DSP: variants seen among roughly 807,000 people sequenced by gnomAD.
The protein encoded by DSP is desmoplakin, also known as 250/210 kDa paraneoplastic pemphigus antigen.
A neutral mutation model predicts 290.6 loss-of-function variants in DSP; 114 were observed. That is an observed-to-expected ratio of 0.39 (90% CI 0.34 to 0.46). DSP has a LOEUF of 0.46. Ranked by LOEUF, DSP falls within the 20% of genes least tolerant of loss-of-function variation. The pLI is 0.99. For missense variants in DSP, 3,230 were observed against 3,495.8 expected (o/e 0.92, Z 1.92); for synonymous variants, 1,311 against 1,316.4 (o/e 1.00, Z 0.09).
At chr6:7,543,393 C>CTTTTTTTTTTTTTTT in intron 1 of DSP, among the ~76,000 whole-genome samples, 1 of 80,042 alleles carries the variant, frequency 1.2e-5, no homozygotes, top group Non-Finnish European at 2.4e-5. Context: ...TCTATTTTCG[C>CTTTTTTTTTTTTTTT]TTTTTTTTTT....
At chr6:7,571,765 T>G in intron 14 of DSP, 77 bp from the exon 15 acceptor site, 1 of 1,525,038 alleles carries the variant, frequency 6.6e-7, no homozygotes, top group South Asian at 1.1e-5. Flanking sequence ...TTTTAGGTAG[T>G]ATGGATGTTT....
chr6:7,575,472 A>G lies in DSP; in HGVS notation c.2614A>G (p.Lys872Glu). 1 of 1,614,220 alleles carries G rather than the reference A, an allele frequency of 6.2e-7. No homozygotes were observed. Among genetic ancestry groups the G allele is most frequent in the Non-Finnish European group, 8.5e-7 (1 of 1,180,038 alleles). The change falls in exon 18 of 24, where the codon AAA becomes GAA. Residue 872 changes from lysine (K) to glutamate (E), a missense_variant. By Grantham distance (56) the Lys-to-Glu change is moderately conservative. Coordinates refer to ENST00000379802, the MANE Select transcript of DSP (RefSeq NM_004415.4). ...GACAGACCGCTGGCAAAGGATAGAT[A>G]AACAGATCGACTTTAGGTATGCCAG... is the stretch of plus-strand genomic sequence containing the variant. ...QLTDRWQRID[K>E]QIDFRLWDLE...
intron 15 of DSP, 66 bp from the exon 16 acceptor site, chr6:7,574,020 C>A (rs1030555809): frequency 6.5e-6 from 10 of 1,548,782 alleles, no homozygotes; most frequent in Non-Finnish European, 8.9e-6. Flanking sequence ...ATATTGTACA[C>A]CTTAAATATA....
At position 7,571,901 on chromosome 6, in the gene DSP, A is replaced by T. The variant is rs148868379; in HGVS notation, c.1963A>T (p.Ile655Phe). 3.1e-6 allele frequency: 5 copies of T among 1,613,982 alleles called. No homozygotes were observed. The Admixed American group carries it at 5.0e-5, about 16-fold the overall frequency. ...TCQDVNHNKVIETNRENDKQE... is the reference protein window; with the variant it reads ...TCQDVNHNKVFETNRENDKQE... The stretch of plus-strand genomic sequence containing the variant: ...CCAAGATGTCAACCATAATAAAGTA[A>T]TTGAAACCAACAGAGAAAATGACAA... The change falls in exon 15 of 24, where the codon ATT becomes TTT. Residue 655 changes from isoleucine (I) to phenylalanine (F), a missense_variant. By Grantham distance (21) the Ile-to-Phe change is conservative. Coordinates refer to ENST00000379802, the MANE Select transcript of DSP (RefSeq NM_004415.4).
At chr6:7,566,649 CCAGA>C (rs1224364004) in intron 8 of DSP, among the ~76,000 whole-genome samples, 168 bp downstream of exon 8, 4 of 152,168 alleles carry the variant, frequency 2.6e-5, no homozygotes, top group Non-Finnish European at 4.4e-5. Flanking sequence ...CAGGAAAGGA[CCAGA>C]CAATCAGTAT....
At chr6:7,574,891 G>C in intron 17 of DSP, 96 bp downstream of exon 17, 1 of 1,567,876 alleles carries the variant, frequency 6.4e-7, no homozygotes, top group Non-Finnish European at 8.8e-7. Flanking sequence ...CATGAGTTTT[G>C]AGGATTATTG....
In DSP at chr6:7,567,447, C is replaced by A. The variant is rs1758896473; in HGVS notation, c.1138C>A (p.Gln380Lys). The change falls in exon 9 of 24, where the codon CAG (glutamine) becomes AAG (lysine). Residue 380 changes from glutamine (Q) to lysine (K), a missense_variant and splice_region_variant. Physicochemically the swap from Gln to Lys is moderately conservative, Grantham distance 53. This residue lies in a region of DSP where 646 missense variants were observed against 684.3 expected (regional missense o/e 0.94). Transcript: ENST00000379802. ...VHLKENAAYF[Q>K]FFEEAQSTEA... ...TCTGAAAGAAAATGCTGCCTACTTTCAGGTTTTTATATTTAGTGATAATTT... is the reference window on the plus strand; with the variant it reads ...TCTGAAAGAAAATGCTGCCTACTTTAAGGTTTTTATATTTAGTGATAATTT... 1.2e-6 allele frequency: 2 copies of A among 1,613,096 alleles called. No individual in the cohort carries two copies. Among genetic ancestry groups the A allele is most frequent in the Non-Finnish European group, 1.7e-6 (2 of 1,179,438 alleles).
At chr6:7,556,644 C>T (rs1312790393) in intron 2 of DSP, among the ~76,000 whole-genome samples, 4 of 152,176 alleles carry the variant, frequency 2.6e-5, no homozygotes, top group African/African-American at 7.2e-5. Context: ...GATGAATTTA[C>T]GGGCTCTGTT....
intron 1 of DSP, among the ~76,000 whole-genome samples, chr6:7,550,924 C>T (rs1197751989): frequency 1.3e-5 from 2 of 151,876 alleles, no homozygotes; most frequent in East Asian, 1.9e-4. Flanking sequence ...CAACCCCTAA[C>T]ACCCATATGT....
chr6:7,575,822 T>C (rs776091198), intron 18 of DSP, among the ~76,000 whole-genome samples: 2 of 152,200 alleles, frequency 1.3e-5, no homozygotes, highest in African/African-American at 4.8e-5. Context: ...TCCAAAAGTT[T>C]ATGAAAATTA....
In DSP at chr6:7,581,305, G is replaced by C. The variant is rs1276966122; in HGVS notation, c.5115G>C (p.Arg1705Ser). 6.2e-6 allele frequency: 10 copies of C among 1,614,108 alleles called. No homozygotes were observed. The highest frequency in any genetic ancestry group is 1.3e-5 in the African/African-American group (1 of 75,044). Reference sequence around the variant, plus strand: ...ATGAAAGCAAAATAGAAATTGAGAGGCTGCAGTCTCTCACAGAGAACCTGA... The same window carrying C: ...ATGAAAGCAAAATAGAAATTGAGAGCCTGCAGTCTCTCACAGAGAACCTGA... ...SLNESKIEIE[R>S]LQSLTENLTK... The change falls in exon 23 of 24, where the codon AGG (arginine) becomes AGC (serine). Residue 1705 changes from arginine (R) to serine (S), a missense_variant. By Grantham distance (110) the Arg-to-Ser change is moderately radical. This residue lies in a region of DSP where 1,714 missense variants were observed against 1,844.5 expected (regional missense o/e 0.93). Transcript: ENST00000379802.
At position 7,584,454 on chromosome 6, in the gene DSP, A is replaced by G; in HGVS notation, c.7192A>G (p.Asn2398Asp). Residue 2398 changes from asparagine to aspartate, a missense_variant, in exon 24 of 24, where the codon AAT (asparagine) becomes GAT (aspartate). Asn to Asp is a conservative substitution (Grantham distance 23, BLOSUM62 1). This residue lies in a region of DSP where 207 missense variants were observed against 281.2 expected (regional missense o/e 0.74). Transcript: ENST00000379802. This position sits in a 1 kb window ranked among gnomAD's most constrained non-coding sequence, Gnocchi z 6.4. The stretch of plus-strand genomic sequence containing the variant: ...CATAGCATATAAGAGGGGCTATTTC[A>G]ATGAGGAACTCAGTGAGATTCTCTC... Reference protein sequence around the residue: ...VDIAYKRGYFNEELSEILSDP... With the variant: ...VDIAYKRGYFDEELSEILSDP... 2 of 1,614,210 alleles carry G rather than the reference A, an allele frequency of 1.2e-6. No homozygotes were observed. The highest frequency in any genetic ancestry group is 1.7e-6 in the Non-Finnish European group (2 of 1,180,024).
intron 4 of DSP, among the ~76,000 whole-genome samples, chr6:7,560,588 A>G (rs563853794): frequency 6.6e-6 from 1 of 152,350 alleles, no homozygotes; most frequent in South Asian, 2.1e-4. Flanking sequence ...TATCGAAGAA[A>G]ACAAGATGCA....
At chr6:7,555,999 G>T (rs761996166) in intron 2 of DSP, among the ~76,000 whole-genome samples, 179 bp downstream of exon 2, 2 of 152,158 alleles carry the variant, frequency 1.3e-5, no homozygotes, top group African/African-American at 4.8e-5. Context: ...TTGTAATGTT[G>T]GTTTAACAAT....
chr6:7,578,405 A>T, intron 21 of DSP, 59 bp from the exon 22 acceptor site: 1 of 1,437,484 alleles, frequency 7.0e-7, no homozygotes, highest in Non-Finnish European at 9.8e-7. Flanking sequence ...CGGTCAAATT[A>T]CATAGGACTT....
At chr6:7,569,422 G>A in intron 12 of DSP, 82 bp downstream of exon 12, 1 of 1,595,706 alleles carries the variant, frequency 6.3e-7, no homozygotes. Context: ...TATACCTGAA[G>A]CTTAGACACA....
rs201872850 is a variant in DSP, at chr6:7,565,568, C to T, written c.939+48C>T. 1 of 1,609,916 alleles carries T rather than the reference C, an allele frequency of 6.2e-7. No homozygotes were observed. Among genetic ancestry groups the T allele is most frequent in the African/African-American group, 1.3e-5 (1 of 74,806 alleles). ...TAGATGCTTGTCTTGAGCCTGTTGC[C>T]TTGAAGAGCTGGGGTCTCGGGGAAT... On this transcript the variant is annotated intron_variant, in intron 7 of 23. Coordinates refer to ENST00000379802, the MANE Select transcript of DSP (RefSeq NM_004415.4). This position sits in a 1 kb window ranked among gnomAD's most constrained non-coding sequence, Gnocchi z 4.2.
rs1759607941 is a variant in DSP at position 7,585,200 on chromosome 6, G to A, written c.7938G>A (p.Thr2646=). 9 of 1,614,158 alleles carry A rather than the reference G, an allele frequency of 5.6e-6. No homozygotes were observed. The highest frequency in any genetic ancestry group is 1.1e-5 in the South Asian group (1 of 91,084). ...GIERGIVDSI[T]GQRLLEAQAC... Reference sequence around the variant, plus strand: ...AGCGGGGCATCGTTGACAGCATCACGGGTCAGAGGCTTCTGGAGGCTCAGG... The same window carrying A: ...AGCGGGGCATCGTTGACAGCATCACAGGTCAGAGGCTTCTGGAGGCTCAGG... The change falls in exon 24 of 24, where the codon ACG becomes ACA. Residue 2646 remains threonine, a synonymous_variant. Coordinates refer to ENST00000379802, the MANE Select transcript of DSP (RefSeq NM_004415.4).
At chr6:7,561,632 C>T (rs1319110707) in intron 4 of DSP, among the ~76,000 whole-genome samples, 2 of 152,190 alleles carry the variant, frequency 1.3e-5, no homozygotes, top group Non-Finnish European at 2.9e-5. Flanking sequence ...TCCCACTGCA[C>T]GCACCTGGCT....
Sources: gnomAD v4.1 joint callset for allele counts (sites outside exome capture counted in the v4.1 genomes callset) on GRCh38, gnomAD v4.1.1 for gene constraint, gnomAD v4.1.1 regional missense constraint, Gnocchi (gnomAD v3.1) non-coding constraint, MANE v1.5 for transcripts, NCBI Gene and HGNC (gene_info 2026-07-23, HGNC 2026-07-21) for gene names.